The following ABCD3 variants were observed in gnomAD, a reference collection of about 807,000 sequenced individuals.
ABCD3 encodes ATP-binding cassette sub-family D member 3.
In ABCD3, 41 loss-of-function variants were observed where a neutral mutation model predicts 105.5. The ratio of observed to expected loss-of-function variants is 0.39; its 90% confidence interval spans 0.30 to 0.50. The LOEUF is 0.50. Ranked by LOEUF, ABCD3 falls within the 20% of genes least tolerant of loss-of-function variation. ABCD3 has a pLI of 0.84. For missense variants in ABCD3, 622 were observed against 806.3 expected (o/e 0.77, Z 2.77); for synonymous variants, 258 against 269.0 (o/e 0.96, Z 0.40).
intron 1 of ABCD3, among the ~76,000 whole-genome samples, chr1:94,438,059 C>T (rs990925937): frequency 1.9e-4 from 29 of 151,904 alleles, no homozygotes; most frequent in Non-Finnish European, 1.2e-4. Context: ...GAGGCTGAGG[C>T]GGGCAGATCA....
At chr1:94,434,534 G>A (rs1659824154) in intron 1 of ABCD3, among the ~76,000 whole-genome samples, 1 of 152,136 alleles carries the variant, frequency 6.6e-6, no homozygotes, top group African/African-American at 2.4e-5. Flanking sequence ...TTGTACTGCG[G>A]TATGATGTCA....
At chr1:94,395,832 C>T in the ABCD3 span, among the ~76,000 whole-genome samples, 74 of 151,134 alleles carry the variant, frequency 4.9e-4, no homozygotes, top group East Asian at 1.9e-3. Flanking sequence ...TGTGTGTGCA[C>T]GCGTGTGAGA....
chr1:94,423,889 C>T (rs1254909977), intron 1 of ABCD3, among the ~76,000 whole-genome samples: 1 of 152,128 alleles, frequency 6.6e-6, no homozygotes, highest in Admixed American at 6.6e-5. Context: ...AAATCTGCCC[C>T]ATTCAAATCA....
intron 1 of ABCD3, chr1:94,432,723 A>C (rs1659734647): frequency 6.6e-6 from 1 of 152,238 alleles, no homozygotes; most frequent in Non-Finnish European, 1.5e-5. Flanking sequence ...CTCAAGAATC[A>C]TTCAGGGGTT....
At chr1:94,481,199 C>T (rs1649012945) in intron 9 of ABCD3, among the ~76,000 whole-genome samples, 2 of 152,150 alleles carry the variant, frequency 1.3e-5, no homozygotes, top group African/African-American at 4.8e-5. Context: ...TTTGATAATA[C>T]ATATAAAGCT....
intron 21 of ABCD3, among the ~76,000 whole-genome samples, chr1:94,511,330 T>A (rs1403812293): frequency 6.6e-6 from 1 of 152,194 alleles, no homozygotes; most frequent in Non-Finnish European, 1.5e-5. Flanking sequence ...CCCACTCTCT[T>A]CTGGCTTGTA....
intron 7 of ABCD3, among the ~76,000 whole-genome samples, chr1:94,476,718 C>T (rs1289478773): frequency 6.6e-6 from 1 of 152,156 alleles, no homozygotes; most frequent in Admixed American, 6.6e-5. Flanking sequence ...TCTCCTCATG[C>T]CCAGGCCCAA....
intron 1 of ABCD3, among the ~76,000 whole-genome samples, chr1:94,451,494 G>A (rs1289260413): frequency 1.3e-5 from 2 of 152,128 alleles, no homozygotes; most frequent in African/African-American, 4.8e-5. Flanking sequence ...TTTTAGAACA[G>A]CATCTTAATA....
chr1:94,413,363 T>C, the ABCD3 span, among the ~76,000 whole-genome samples: 1 of 152,166 alleles, frequency 6.6e-6, no homozygotes, highest in Non-Finnish European at 1.5e-5. Context: ...TACTGCAATT[T>C]AAATAAATAA....
intron 1 of ABCD3, among the ~76,000 whole-genome samples, chr1:94,432,913 G>A (rs1659745083): frequency 6.6e-6 from 1 of 150,606 alleles, no homozygotes; most frequent in Non-Finnish European, 1.5e-5. Context: ...GGAGTGCAGT[G>A]GCACTATCTC....
At chr1:94,491,118 G>C in intron 15 of ABCD3, 66 bp from the exon 16 acceptor site, 1 of 1,083,110 alleles carries the variant, frequency 9.2e-7, no homozygotes, top group Non-Finnish European at 1.4e-6. Flanking sequence ...TGTATTTTTG[G>C]TATTGAGTTG....
At chr1:94,493,952 GGT>G (rs1320827990) in intron 16 of ABCD3, among the ~76,000 whole-genome samples, 5 of 151,976 alleles carry the variant, frequency 3.3e-5, no homozygotes, top group African/African-American at 7.3e-5. Context: ...TGTGGGGTGG[GGT>G]CCTGGGGGAG....
intron 13 of ABCD3, among the ~76,000 whole-genome samples, chr1:94,489,495 T>G (rs1282040000): frequency 1.3e-5 from 2 of 152,086 alleles, no homozygotes; most frequent in African/African-American, 2.4e-5. Context: ...TAATGAAGTA[T>G]CTGTTGAGTT....
intron 1 of ABCD3, among the ~76,000 whole-genome samples, chr1:94,435,355 C>T (rs912893378): frequency 1.9e-4 from 29 of 151,902 alleles, no homozygotes; most frequent in African/African-American, 6.0e-4. Context: ...GTCTGGGCAA[C>T]GTAATGAGAC....
At chr1:94,490,951 C>T (rs1649506178) in intron 15 of ABCD3, among the ~76,000 whole-genome samples, 1 of 152,064 alleles carries the variant, frequency 6.6e-6, no homozygotes, top group Non-Finnish European at 1.5e-5. Context: ...TGATAATAGT[C>T]ATCCTAACAG....
chr1:94,508,495 G>A (rs11165152), intron 21 of ABCD3, among the ~76,000 whole-genome samples: 38,718 of 150,848 alleles, frequency 0.26, 5,562 homozygotes, highest in Admixed American at 0.34. Flanking sequence ...GGTTCCATAT[G>A]AACTTTAAAG....
chr1:94,409,729 G>T, the ABCD3 span, among the ~76,000 whole-genome samples: 195 of 152,284 alleles, frequency 1.3e-3, 1 homozygote, highest in East Asian at 0.016. Flanking sequence ...CCACTCTGGT[G>T]GGTAGCACAT....
chr1:94,499,009 A>G lies in ABCD3; in HGVS notation c.1595A>G (p.Gln532Arg). The change falls in exon 19 of 23, where the codon CAG (glutamine) becomes CGG (arginine). Residue 532 changes from glutamine (Q) to arginine (R), a missense_variant. This residue lies in a region of ABCD3 where 285 missense variants were observed against 352.5 expected (regional missense o/e 0.81). Coordinates refer to ENST00000370214, the MANE Select transcript of ABCD3 (RefSeq NM_002858.4). ...ATATATCCAGATGGACGAGAAGATC[A>G]GAAAAGGAAGGGAATTTCTGACCTA... ...QVIYPDGRED[Q>R]KRKGISDLVL... The G allele has an allele frequency of 6.2e-7, 1 of 1,613,986 alleles. No homozygotes were observed. The highest frequency in any genetic ancestry group is 1.7e-4 in the Middle Eastern group (1 of 6,054).
At chr1:94,460,223 C>A (rs1471559633) in intron 2 of ABCD3, among the ~76,000 whole-genome samples, 3 of 152,048 alleles carry the variant, frequency 2.0e-5, no homozygotes, top group Admixed American at 6.6e-5. Flanking sequence ...TGGGTTTAAC[C>A]TACTATCTAT....
Sources: gnomAD v4.1 joint callset for allele counts (sites outside exome capture counted in the v4.1 genomes callset) on GRCh38, gnomAD v4.1.1 for gene constraint, gnomAD v4.1.1 regional missense constraint, MANE v1.5 for transcripts, NCBI Gene and HGNC (gene_info 2026-07-23, HGNC 2026-07-21) for gene names.